NTM: variants seen among roughly 807,000 people sequenced by gnomAD.
The protein encoded by NTM is IgLON family member 2.
In NTM, 13 loss-of-function variants were observed where a neutral mutation model predicts 42.1. That is an observed-to-expected ratio of 0.31 (90% CI 0.20 to 0.49). The LOEUF (loss-of-function observed/expected upper bound fraction) is 0.49, where lower values mean the gene tolerates loss of function less well. Among genes scored for constraint, NTM ranks in the 20% least tolerant of loss-of-function variants. The pLI, the probability that NTM is intolerant of heterozygous loss-of-function variation, is 0.99. For synonymous variants in NTM, 187 were observed against 179.2 expected, an observed-to-expected ratio of 1.04 and a Z score of -0.35; for missense variants, 373 against 452.8, an observed-to-expected ratio of 0.82 and a Z score of 1.60.
intron 1 of NTM, among the ~76,000 whole-genome samples, chr11:131,640,877 T>C (rs2065046665): frequency 6.6e-6 from 1 of 152,234 alleles, no homozygotes; most frequent in African/African-American, 2.4e-5. Context: ...AGGCAACTGA[T>C]CTCTGTCTTT....
At chr11:131,462,675 T>C (rs1313270982) in intron 1 of NTM, among the ~76,000 whole-genome samples, 1 of 152,236 alleles carries the variant, frequency 6.6e-6, no homozygotes, top group Non-Finnish European at 1.5e-5. Context: ...TCATCCTGCA[T>C]GGATCCTGGC....
At chr11:131,537,869 A>G (rs425354) in intron 1 of NTM, 112,925 of 152,242 alleles carry the variant, frequency 0.74, 42,305 homozygotes, top group Non-Finnish European at 0.8. Context: ...ACTCTGCAGT[A>G]GTCACCCAGT....
rs557792432 is a variant in NTM at position 131,701,478 on chromosome 11, A to G, written c.83-210086A>G. The stretch of plus-strand genomic sequence containing the variant: ...AACTGGGCATGGTAGATGGGCAAAA[A>G]GAAGGGAGCCACTCAATGCATTTGT... On this transcript the variant is annotated intron_variant, in intron 1 of 8. Coordinates refer to ENST00000683400, the MANE Select transcript of NTM (RefSeq NM_001352005.2). 2.6e-5 allele frequency among the ~76,000 whole-genome samples: 4 copies of G among 152,300 alleles called. No individual in the cohort carries two copies. The East Asian group carries it at 5.8e-4, about 22-fold the overall frequency.
chr11:131,399,352 T>C (rs747437043), intron 1 of NTM, among the ~76,000 whole-genome samples: 5 of 152,198 alleles, frequency 3.3e-5, no homozygotes, highest in Admixed American at 2.0e-4. Context: ...GCAGTGAGAT[T>C]AATGTACAGA....
intron 1 of NTM, among the ~76,000 whole-genome samples, chr11:131,819,451 T>C (rs2093087791): frequency 6.6e-6 from 1 of 152,050 alleles, no homozygotes. Context: ...CGCTCACTCA[T>C]TCACTCATTC....
chr11:131,591,377 C>T (rs560281256), intron 1 of NTM, among the ~76,000 whole-genome samples: 1 of 152,192 alleles, frequency 6.6e-6, no homozygotes, highest in Admixed American at 6.5e-5. Flanking sequence ...CGAAGCCTCC[C>T]GTGGGCCTGC....
chr11:131,410,147 A>G (rs1399786384), intron 1 of NTM, among the ~76,000 whole-genome samples: 1 of 152,018 alleles, frequency 6.6e-6, no homozygotes, highest in Non-Finnish European at 1.5e-5. Flanking sequence ...CAGGGTTTGG[A>G]TGCAGATCTA....
chr11:131,851,395 T>TAC (rs1345677040), intron 1 of NTM, among the ~76,000 whole-genome samples: 2 of 152,138 alleles, frequency 1.3e-5, no homozygotes, highest in African/African-American at 4.8e-5. Context: ...CTCCCGCTAA[T>TAC]AGAAAAAAAT....
At chr11:131,987,732 T>C (rs936439822) in intron 2 of NTM, among the ~76,000 whole-genome samples, 1 of 152,244 alleles carries the variant, frequency 6.6e-6, no homozygotes, top group Non-Finnish European at 1.5e-5. Flanking sequence ...ATAATCCAAA[T>C]GCTCTGTATT....
At chr11:131,640,790 T>C (rs1448270291) in intron 1 of NTM, among the ~76,000 whole-genome samples, 5 of 152,156 alleles carry the variant, frequency 3.3e-5, no homozygotes, top group Non-Finnish European at 7.4e-5. Flanking sequence ...AACATTAAAA[T>C]TGTTTAAAAT....
intron 1 of NTM, among the ~76,000 whole-genome samples, chr11:131,488,532 A>G (rs1954431102): frequency 6.6e-6 from 1 of 152,192 alleles, no homozygotes; most frequent in Non-Finnish European, 1.5e-5. Context: ...TGGTCAGAGA[A>G]ACTTGCAGCC....
chr11:132,177,522 C>G (rs2076995654), intron 3 of NTM, among the ~76,000 whole-genome samples: 1 of 152,212 alleles, frequency 6.6e-6, no homozygotes, highest in Non-Finnish European at 1.5e-5. Context: ...ATTACCTTCA[C>G]TTTGCTAAAA....
At chr11:131,908,353 T>C (rs184627744) in intron 1 of NTM, among the ~76,000 whole-genome samples, 5 of 152,360 alleles carry the variant, frequency 3.3e-5, no homozygotes, top group Admixed American at 1.3e-4. Flanking sequence ...GAGTTAATCA[T>C]ATATGTAGGC....
intron 1 of NTM, among the ~76,000 whole-genome samples, chr11:131,595,233 T>C (rs12365660): frequency 0.41 from 62,842 of 151,970 alleles, 15,292 homozygotes; most frequent in East Asian, 0.57. Context: ...GGTCCACCAG[T>C]GAATCACCTG....
chr11:132,245,098 G>A (rs1196146941), intron 4 of NTM, among the ~76,000 whole-genome samples: 3 of 152,222 alleles, frequency 2.0e-5, no homozygotes, highest in Non-Finnish European at 4.4e-5. Context: ...TGAAGCAATG[G>A]CTGCTGGATT....
At chr11:131,804,501 T>C (rs948791592) in intron 1 of NTM, among the ~76,000 whole-genome samples, 3 of 152,168 alleles carry the variant, frequency 2.0e-5, no homozygotes, top group African/African-American at 7.2e-5. Flanking sequence ...GTGAGACCTC[T>C]GGATTTGATC....
intron 3 of NTM, among the ~76,000 whole-genome samples, chr11:132,184,158 CT>C (rs1362127834): frequency 5.3e-5 from 8 of 152,160 alleles, no homozygotes; most frequent in Admixed American, 3.3e-4. Flanking sequence ...GTCCGTAGAT[CT>C]TCCTGTTCCA....
chr11:131,956,921 G>A (rs1032031210), intron 2 of NTM, among the ~76,000 whole-genome samples: 1 of 152,132 alleles, frequency 6.6e-6, no homozygotes, highest in African/African-American at 2.4e-5. Flanking sequence ...ATCAGATACT[G>A]TAACTGCCTG....
In NTM at chr11:132,166,453, T is replaced by G. The variant is rs764641556; in HGVS notation, c.400+19939T>G. ...ACAAGGCTTATGCAGACAAAATGTT[T>G]GTCAAAATCTTGAAAGGAAGTGAAG... is the stretch of plus-strand genomic sequence containing the variant. On this transcript the variant is annotated intron_variant, in intron 3 of 8. Coordinates refer to ENST00000683400, the MANE Select transcript of NTM (RefSeq NM_001352005.2). Among the ~76,000 whole-genome samples, 5 of 152,162 alleles carry G rather than the reference T, an allele frequency of 3.3e-5. No homozygotes were observed. The East Asian group carries it at 9.6e-4, about 29-fold the overall frequency.
Sources: gnomAD v4.1 joint callset for allele counts (sites outside exome capture counted in the v4.1 genomes callset) on GRCh38, gnomAD v4.1.1 for gene constraint, MANE v1.5 for transcripts, NCBI Gene and HGNC (gene_info 2026-07-23, HGNC 2026-07-21) for gene names.